CBLN2: variants seen among roughly 807,000 people sequenced by gnomAD.
CBLN2 encodes the protein cerebellin-2.
CBLN2 carries 7 observed loss-of-function variants against 15.0 expected under a neutral mutation model. The observed-to-expected ratio is 0.47, with a 90% CI of 0.27 to 0.88. CBLN2 has a LOEUF of 0.88. Ranked by LOEUF, CBLN2 falls within the 40% of genes least tolerant of loss-of-function variation. CBLN2 has a pLI of 0.14. For synonymous variants in CBLN2, 149 were observed against 135.2 expected (o/e 1.10, Z -0.71); for missense variants, 242 against 304.5 (o/e 0.79, Z 1.53).
chr18:72,576,688 G>T (rs767400926), intron 1 of CBLN2, among the ~76,000 whole-genome samples: 16 of 151,836 alleles, frequency 1.1e-4, no homozygotes, highest in Non-Finnish European at 1.8e-4. Context: ...AGTCTGTGCT[G>T]GGATATGAGA....
intron 1 of CBLN2, among the ~76,000 whole-genome samples, chr18:72,557,724 G>A (rs1349525186): frequency 4.6e-5 from 7 of 152,114 alleles, no homozygotes; most frequent in Admixed American, 3.3e-4. Context: ...TGGACACAGG[G>A]AGGGGGAAGA....
intron 1 of CBLN2, among the ~76,000 whole-genome samples, chr18:72,598,367 C>A (rs1568127736): frequency 6.6e-6 from 1 of 152,152 alleles, no homozygotes; most frequent in African/African-American, 2.4e-5. Context: ...AGAATGAGGG[C>A]CTCGGGACTC....
chr18:72,548,902 G>A (rs934535806), upstream of CBLN2, among the ~76,000 whole-genome samples: 17 of 152,198 alleles, frequency 1.1e-4, no homozygotes, highest in African/African-American at 3.9e-4. Flanking sequence ...GATCCAAACT[G>A]TAATGAGCAC....
At chr18:72,557,935 A>G (rs1413329382) in intron 1 of CBLN2, among the ~76,000 whole-genome samples, 1 of 152,182 alleles carries the variant, frequency 6.6e-6, no homozygotes, top group Non-Finnish European at 1.5e-5. Context: ...TTTTTAAAAA[A>G]GTAAGCACAA....
At chr18:72,588,901 G>A (rs1213627009) in intron 1 of CBLN2, among the ~76,000 whole-genome samples, 4 of 152,198 alleles carry the variant, frequency 2.6e-5, no homozygotes, top group Non-Finnish European at 5.9e-5. Context: ...AGGCAGGAAG[G>A]AAAAGTGCGC....
At chr18:72,547,835 T>C (rs2069168155), upstream of CBLN2, among the ~76,000 whole-genome samples, 1 of 152,206 alleles carries the variant, frequency 6.6e-6, no homozygotes, top group South Asian at 2.1e-4. Context: ...TTTGATCGTT[T>C]AGTAAAGTTT....
chr18:72,555,082 C>G (rs1227627522), intron 1 of CBLN2, among the ~76,000 whole-genome samples: 2 of 151,510 alleles, frequency 1.3e-5, no homozygotes, highest in South Asian at 2.1e-4. Context: ...TTGCAGTGAG[C>G]CGAGATCATG....
intron 1 of CBLN2, among the ~76,000 whole-genome samples, chr18:72,635,888 A>T (rs931944453): frequency 5.3e-5 from 8 of 152,178 alleles, no homozygotes; most frequent in African/African-American, 1.9e-4. Context: ...GGAAGCAAAA[A>T]TAAAAGACAG....
chr18:72,629,336 A>G (rs984901445), intron 1 of CBLN2, among the ~76,000 whole-genome samples: 1 of 152,176 alleles, frequency 6.6e-6, no homozygotes, highest in Non-Finnish European at 1.5e-5. Flanking sequence ...AACACAATCA[A>G]AAATTTAAAA....
chr18:72,577,032 T>C (rs975874105), intron 1 of CBLN2, among the ~76,000 whole-genome samples: 1 of 145,376 alleles, frequency 6.9e-6, no homozygotes, highest in Non-Finnish European at 1.5e-5. Flanking sequence ...ATATATATAA[T>C]GTATAAATTA....
chr18:72,627,435 G>A (rs2069747315), intron 1 of CBLN2, among the ~76,000 whole-genome samples: 1 of 152,230 alleles, frequency 6.6e-6, no homozygotes, highest in African/African-American at 2.4e-5. Context: ...AGAAGATGTT[G>A]CTGCGTGGCA....
intron 1 of CBLN2, among the ~76,000 whole-genome samples, chr18:72,588,756 G>T (rs2069459048): frequency 6.6e-6 from 1 of 152,140 alleles, no homozygotes; most frequent in South Asian, 2.1e-4. Flanking sequence ...GGCTAGAAAA[G>T]AATTATCCCT....
intron 3 of CBLN2, 142 bp downstream of exon 3, chr18:72,541,662 G>A (rs1001264222): frequency 2.1e-5 from 13 of 620,280 alleles, no homozygotes; most frequent in Non-Finnish European, 3.2e-5. Context: ...TCTATGAAAC[G>A]GGAGGAAAGA....
At chr18:72,570,564 A>T (rs1312930454) in intron 1 of CBLN2, among the ~76,000 whole-genome samples, 1 of 152,006 alleles carries the variant, frequency 6.6e-6, no homozygotes. Context: ...CAGCATTGTA[A>T]CTCATGCCTG....
chr18:72,627,633 A>T (rs1032674502), intron 1 of CBLN2, among the ~76,000 whole-genome samples: 3 of 152,230 alleles, frequency 2.0e-5, no homozygotes, highest in African/African-American at 7.2e-5. Flanking sequence ...CTTTGAGGAC[A>T]CTGTATTTAT....
At chr18:72,633,131 A>G (rs1025410055) in intron 1 of CBLN2, among the ~76,000 whole-genome samples, 5 of 152,194 alleles carry the variant, frequency 3.3e-5, no homozygotes, top group African/African-American at 4.8e-5. Context: ...GGCGATTGTT[A>G]CTTATTTCAT....
chr18:72,615,171 A>ATATATTTATATAT (rs1344062795), intron 1 of CBLN2, among the ~76,000 whole-genome samples: 2 of 133,108 alleles, frequency 1.5e-5, no homozygotes, highest in African/African-American at 5.5e-5. Flanking sequence ...ATATATAAAT[A>ATATATTTATATAT]TATATTTATA....
chr18:72,601,535 C>A (rs900835615), intron 1 of CBLN2, among the ~76,000 whole-genome samples: 4 of 152,148 alleles, frequency 2.6e-5, no homozygotes, highest in African/African-American at 9.7e-5. Context: ...AGTGGAGGCG[C>A]CTGTTAGCCC....
chr18:72,564,453 G>C (rs777001513), intron 1 of CBLN2, among the ~76,000 whole-genome samples: 72 of 152,166 alleles, frequency 4.7e-4, no homozygotes, highest in Non-Finnish European at 6.2e-4. Context: ...GCAGAAGAAA[G>C]AATTTCTGAT....
Sources: gnomAD v4.1 joint callset for allele counts (sites outside exome capture counted in the v4.1 genomes callset) on GRCh38, gnomAD v4.1.1 for gene constraint, MANE v1.5 for transcripts, NCBI Gene and HGNC (gene_info 2026-07-23, HGNC 2026-07-21) for gene names.